Variants in ZNF451 observed in about 807,000 individuals in gnomAD.
ZNF451 encodes E3 SUMO-protein ligase ZNF451.
In ZNF451, 80 loss-of-function variants were observed where a neutral mutation model predicts 107.1. The ratio of observed to expected loss-of-function variants is 0.75; its 90% CI spans 0.62 to 0.90. The LOEUF is 0.90. ZNF451 is among the 40% of genes least tolerant of loss of function. ZNF451 has a pLI of 0.00. For missense variants in ZNF451, 1,107 were observed against 1,236.2 expected (o/e 0.90, Z 1.57); for synonymous variants, 362 against 406.5 (o/e 0.89, Z 1.32).
intron 3 of ZNF451, among the ~76,000 whole-genome samples, chr6:57,110,303 A>G (rs1016963820): frequency 6.6e-6 from 1 of 152,348 alleles, no homozygotes; most frequent in South Asian, 2.1e-4. Flanking sequence ...TGGTTCCTAC[A>G]TATTCAAAGT....
chr6:57,128,736 T>A lies in ZNF451; in HGVS notation c.320T>A (p.Ile107Asn). The change falls in exon 5 of 15, where the codon ATT becomes AAT. Residue 107 changes from isoleucine (I) to asparagine (N), a missense_variant. Physicochemically the swap from Ile to Asn is moderately radical, Grantham distance 149 (BLOSUM62 -3). Transcript: ENST00000370706. The stretch of plus-strand genomic sequence containing the variant: ...TTTTCTTAATGTCTTCAGGAAAAAA[T>A]TGATTTTCAGCATGCTCATGGGTTA... ...EEKNRAFREK[I>N]DFQHAHGLQE... 1 of 1,606,068 alleles carries A rather than the reference T, an allele frequency of 6.2e-7. No homozygotes were observed. Among genetic ancestry groups the A allele is most frequent in the Non-Finnish European group, 8.5e-7 (1 of 1,177,136 alleles).
intron 6 of ZNF451, 90 bp from the exon 7 acceptor site, chr6:57,134,654 A>G (rs1050164933): frequency 1.5e-5 from 17 of 1,142,060 alleles, no homozygotes; most frequent in Admixed American, 6.5e-5. Flanking sequence ...ATGTGTGTGT[A>G]TGTGTTTAGC....
chr6:57,150,630 T>C (rs1035450825), intron 10 of ZNF451, 89 bp from the exon 11 acceptor site: 2 of 1,348,780 alleles, frequency 1.5e-6, no homozygotes, highest in Non-Finnish European at 1.0e-6. Flanking sequence ...TATTTTTGCA[T>C]ATTAGGCTTC....
At chr6:57,093,022 A>T (rs1829123831) in intron 2 of ZNF451, 1 of 152,230 alleles carries the variant, frequency 6.6e-6, no homozygotes, top group Admixed American at 6.5e-5. Flanking sequence ...AAGAAACAGA[A>T]TGCTGCCATA....
At chr6:57,168,330 C>T in intron 14 of ZNF451, 93 bp from the exon 15 acceptor site, 3 of 862,980 alleles carry the variant, frequency 3.5e-6, no homozygotes, top group South Asian at 1.8e-5. Flanking sequence ...TACTTTCCTT[C>T]TTGAAAAGAA....
intron 4 of ZNF451, 104 bp from the exon 5 acceptor site, chr6:57,128,625 G>T: frequency 1.5e-6 from 1 of 688,170 alleles, no homozygotes; most frequent in Non-Finnish European, 2.5e-6. Context: ...GGAGTTCTGG[G>T]GATAAAAAGT....
chr6:57,106,461 C>T (rs1447236293), intron 3 of ZNF451: 9 of 547,668 alleles, frequency 1.6e-5, no homozygotes, highest in East Asian at 1.5e-4. Context: ...CATGTGTCAC[C>T]ATGACCTGCT....
At chr6:57,112,984 G>C (rs1830179760) in intron 3 of ZNF451, among the ~76,000 whole-genome samples, 1 of 151,882 alleles carries the variant, frequency 6.6e-6, no homozygotes, top group African/African-American at 2.4e-5. Flanking sequence ...CCAGCTTTTT[G>C]TTCCTTTTTC....
At chr6:57,158,155 C>T (rs993367206) in intron 13 of ZNF451, among the ~76,000 whole-genome samples, 4 of 152,302 alleles carry the variant, frequency 2.6e-5, no homozygotes, top group Non-Finnish European at 2.9e-5. Flanking sequence ...TTAGTATCAA[C>T]GACTGTGGTT....
chr6:57,144,774 C>CA (rs1376443082), intron 9 of ZNF451, among the ~76,000 whole-genome samples: 1 of 151,858 alleles, frequency 6.6e-6, no homozygotes, highest in African/African-American at 2.4e-5. Context: ...ACTAAAAATA[C>CA]AAAAAATTAA....
intron 14 of ZNF451, among the ~76,000 whole-genome samples, chr6:57,166,995 C>T (rs567962913): frequency 3.4e-4 from 52 of 152,264 alleles, no homozygotes; most frequent in African/African-American, 1.2e-3. Flanking sequence ...TATAAGCTCA[C>T]TGGAGGTATG....
intron 3 of ZNF451, among the ~76,000 whole-genome samples, chr6:57,120,951 A>G (rs1019955932): frequency 1.3e-5 from 2 of 152,120 alleles, no homozygotes; most frequent in African/African-American, 4.8e-5. Context: ...CTAAAAAGTC[A>G]TTGTCATGCA....
rs1764010362 is a variant in ZNF451 at position 57,168,695 on chromosome 6, T to C, written c.*226T>C. ...CATGTTCATGCAAATATAAATTATG[T>C]ATTCTAATATAGGTGTAACAGTTTC... is the stretch of plus-strand genomic sequence containing the variant. On this transcript the variant is annotated 3_prime_UTR_variant, in exon 15 of 15. Coordinates refer to ENST00000370706, the MANE Select transcript of ZNF451 (RefSeq NM_001031623.3). The C allele has an allele frequency of 2.9e-5, 14 of 475,288 alleles. 1 individual carries two copies. The South Asian group carries it at 3.7e-4, about 13-fold the overall frequency. The allele number at this position is 475,288 out of a possible 1,614,324, so 29.4% of individuals were successfully genotyped here. A position where few individuals can be genotyped will look rare whatever the true frequency, so the allele number is the denominator to read the frequency against.
chr6:57,100,697 C>T, intron 3 of ZNF451: 2 of 1,550,514 alleles, frequency 1.3e-6, no homozygotes, highest in South Asian at 2.4e-5. Flanking sequence ...GATAGCAGCT[C>T]CTTCTCTGGG....
In ZNF451 at chr6:57,104,129, G is replaced by A. The variant is rs901517529; in HGVS notation, c.186+4988G>A. The A allele has an allele frequency of 2.5e-5, 25 of 984,652 alleles. No homozygotes were observed. In the African/African-American group the frequency reaches 4.0e-4, roughly 16 times the overall value. The allele number at this position is 984,652 out of a possible 1,614,324, so 61.0% of individuals were successfully genotyped here. A position where few individuals can be genotyped will look rare whatever the true frequency, so the allele number is the denominator to read the frequency against. ...TACTCAAAATTTTATTTCCACTTCT[G>A]TAGAAATAGGTCCATGCCAGTGTTC... On this transcript the variant is annotated intron_variant, in intron 3 of 14. Transcript: ENST00000370706.
At chr6:57,134,993 A>C in intron 7 of ZNF451, 123 bp downstream of exon 7, 1 of 762,772 alleles carries the variant, frequency 1.3e-6, no homozygotes, top group Non-Finnish European at 2.0e-6. Flanking sequence ...TCAAAACTGT[A>C]ATTGTCAATT....
At chr6:57,158,854 G>T in intron 13 of ZNF451, 1 of 985,358 alleles carries the variant, frequency 1.0e-6, no homozygotes, top group Non-Finnish European at 1.2e-6. Context: ...TGGATGAGTG[G>T]GTTAGAAGCA....
rs1419457712 is a variant in ZNF451 at position 57,148,288 on chromosome 6, AAAG to A, written c.2208_2210del (p.Glu736del). ...GAGTTACATCTGTAAAGTCAACAGA[AAAG>A]AAGATTATAGCAGATGTCTCCAAAT... On this transcript the variant is annotated inframe_deletion, in exon 10 of 15. Coordinates refer to ENST00000370706, the MANE Select transcript of ZNF451 (RefSeq NM_001031623.3). 17 of 1,613,920 alleles carry A rather than the reference AAAG, an allele frequency of 1.1e-5. No homozygotes were observed. The African/African-American group carries it at 1.2e-4, about 11-fold the overall frequency.
chr6:57,139,598 ATTATAT>A (rs1463562931), intron 7 of ZNF451, among the ~76,000 whole-genome samples: 1 of 152,368 alleles, frequency 6.6e-6, no homozygotes. Flanking sequence ...AAGAAGTTAA[ATTATAT>A]TTATAACAAG....
Sources: gnomAD v4.1 joint callset for allele counts (sites outside exome capture counted in the v4.1 genomes callset) on GRCh38, gnomAD v4.1.1 for gene constraint, MANE v1.5 for transcripts, NCBI Gene and HGNC (gene_info 2026-07-23, HGNC 2026-07-21) for gene names.